CIMAP2: variants seen among roughly 807,000 people sequenced by gnomAD.
The protein encoded by CIMAP2 is ciliary microtubule-associated protein 2.
chr1:54,807,436 C>T, the CIMAP2 span: 7 of 1,405,282 alleles, frequency 5.0e-6, no homozygotes, highest in African/African-American at 1.0e-4. Context: ...CTCCCTTCCT[C>T]CGGGTCAGGG....
the CIMAP2 span, among the ~76,000 whole-genome samples, chr1:54,813,525 A>C: frequency 6.6e-6 from 1 of 152,242 alleles, no homozygotes; most frequent in Non-Finnish European, 1.5e-5. Flanking sequence ...TGTCCAACAA[A>C]TGAAAGAAAG....
chr1:54,812,668 A>G, the CIMAP2 span, among the ~76,000 whole-genome samples: 8 of 152,182 alleles, frequency 5.3e-5, no homozygotes, highest in African/African-American at 1.4e-4. Flanking sequence ...TTGTCTTGGT[A>G]TCTCACAGCT....
chr1:54,808,573 G>A, the CIMAP2 span, among the ~76,000 whole-genome samples: 1 of 145,982 alleles, frequency 6.9e-6, no homozygotes, highest in Non-Finnish European at 1.5e-5. Context: ...TGAGGGCCCT[G>A]CAGCCAAGGT....
chr1:54,837,296 A>C, the CIMAP2 span, among the ~76,000 whole-genome samples: 1 of 152,080 alleles, frequency 6.6e-6, no homozygotes, highest in Admixed American at 6.5e-5. Flanking sequence ...TCAGATCAGC[A>C]TGGACTTTTC....
the CIMAP2 span, among the ~76,000 whole-genome samples, chr1:54,817,354 C>T: frequency 6.6e-6 from 1 of 152,230 alleles, no homozygotes; most frequent in Non-Finnish European, 1.5e-5. Flanking sequence ...TCATTTCCTT[C>T]AGCTGTCAAA....
At chr1:54,813,915 C>T in the CIMAP2 span, 1 of 1,613,804 alleles carries the variant, frequency 6.2e-7, no homozygotes, top group African/African-American at 1.3e-5. Flanking sequence ...TTCCCCGAAA[C>T]CCGAAAACCC....
At chr1:54,814,167 C>T in the CIMAP2 span, among the ~76,000 whole-genome samples, 1 of 152,144 alleles carries the variant, frequency 6.6e-6, no homozygotes, top group Admixed American at 6.5e-5. Flanking sequence ...ATACCCCTGT[C>T]CTATGAAGAT....
chr1:54,813,843 C>T, the CIMAP2 span: 5 of 1,610,056 alleles, frequency 3.1e-6, no homozygotes, highest in African/African-American at 1.3e-5. Flanking sequence ...TGATGAATTT[C>T]AAGAGCTTTG....
the CIMAP2 span, among the ~76,000 whole-genome samples, chr1:54,818,112 T>C: frequency 6.6e-6 from 1 of 152,256 alleles, no homozygotes; most frequent in African/African-American, 2.4e-5. Flanking sequence ...GTGCTGTGTA[T>C]GTGACCTGCA....
the CIMAP2 span, chr1:54,807,498 T>C: frequency 8.8e-6 from 13 of 1,477,982 alleles, no homozygotes; most frequent in Non-Finnish European, 1.2e-5. Flanking sequence ...GGCGTGGCTG[T>C]CACAGCTCTG....
At chr1:54,832,482 C>T in the CIMAP2 span, among the ~76,000 whole-genome samples, 1 of 152,164 alleles carries the variant, frequency 6.6e-6, no homozygotes, top group African/African-American at 2.4e-5. Context: ...GTGGAAAGCA[C>T]TCTTCTAAAT....
At chr1:54,807,212 G>A in the CIMAP2 span, 1 of 1,055,496 alleles carries the variant, frequency 9.5e-7, no homozygotes, top group Non-Finnish European at 1.5e-6. Context: ...CACAGAGCTG[G>A]ACCCACAGTG....
chr1:54,819,067 G>A, the CIMAP2 span, among the ~76,000 whole-genome samples: 1 of 152,150 alleles, frequency 6.6e-6, no homozygotes, highest in Non-Finnish European at 1.5e-5. Flanking sequence ...GTCACTGTGA[G>A]TGATTGGCAG....
At chr1:54,841,235 A>G in the CIMAP2 span, among the ~76,000 whole-genome samples, 3 of 152,360 alleles carry the variant, frequency 2.0e-5, no homozygotes, top group Non-Finnish European at 4.4e-5. Context: ...GAGGACAGAC[A>G]ACAAACAGAT....
chr1:54,816,152 G>A, the CIMAP2 span, among the ~76,000 whole-genome samples: 2 of 152,226 alleles, frequency 1.3e-5, no homozygotes, highest in African/African-American at 4.8e-5. Flanking sequence ...GTGAGGTCCG[G>A]GTTCTGGTGG....
chr1:54,807,712 C>T, the CIMAP2 span: 8 of 1,557,094 alleles, frequency 5.1e-6, no homozygotes, highest in Non-Finnish European at 6.9e-6. Flanking sequence ...GGGGCCATGC[C>T]TCTCCCTCTC....
At chr1:54,806,328 G>A in the CIMAP2 span, 1 of 1,150,800 alleles carries the variant, frequency 8.7e-7, no homozygotes, top group Non-Finnish European at 1.2e-6. Context: ...TACACACAGG[G>A]CTGAGCCTGG....
chr1:54,820,128 TTCTTTCTTTC>T, the CIMAP2 span, among the ~76,000 whole-genome samples: 4 of 111,576 alleles, frequency 3.6e-5, no homozygotes, highest in Non-Finnish European at 7.4e-5. Context: ...CTTTCTTTCT[TTCTTTCTTTC>T]TCTCTTTCTC....
At chr1:54,814,825 G>C in the CIMAP2 span, 1 of 1,566,316 alleles carries the variant, frequency 6.4e-7, no homozygotes, top group South Asian at 1.2e-5. Flanking sequence ...GATGGGTGGA[G>C]TCAGCTGGCC....
Sources: allele counts gnomAD v4.1 joint callset (sites outside exome capture counted in the v4.1 genomes callset), GRCh38; gene constraint gnomAD v4.1.1; transcripts MANE v1.5; gene names NCBI Gene and HGNC (gene_info 2026-07-23, HGNC 2026-07-21).